The following NTNG1 variants were observed in gnomAD, a reference collection of about 807,000 sequenced individuals.
The protein encoded by NTNG1 is netrin G1.
NTNG1 carries 16 observed loss-of-function variants against 54.0 expected under a neutral mutation model. That is an observed-to-expected ratio of 0.30 (90% CI 0.20 to 0.45). The LOEUF (loss-of-function observed/expected upper bound fraction) is 0.45, where lower values mean the gene tolerates loss of function less well. Ranked by LOEUF, NTNG1 falls within the 20% of genes least tolerant of loss-of-function variation. NTNG1 has a pLI of 1.00. For synonymous variants in NTNG1, 255 were observed against 263.1 expected, an observed-to-expected ratio of 0.97 and a Z score of 0.30; for missense variants, 530 against 678.7, an observed-to-expected ratio of 0.78 and a Z score of 2.43.
At chr1:107,333,582 A>T (rs1668403865) in intron 3 of NTNG1, among the ~76,000 whole-genome samples, 1 of 151,930 alleles carries the variant, frequency 6.6e-6, no homozygotes, top group African/African-American at 2.4e-5. Flanking sequence ...AGAACTCTTT[A>T]AGCTCCAACA....
At chr1:107,249,159 C>CAATAAGAAT (rs1662403037) in intron 2 of NTNG1, among the ~76,000 whole-genome samples, 1 of 143,752 alleles carries the variant, frequency 7.0e-6, no homozygotes. Flanking sequence ...GACTCTATCT[C>CAATAAGAAT]AATAATAATA....
At chr1:107,201,925 G>T (rs1004440968) in intron 2 of NTNG1, among the ~76,000 whole-genome samples, 7 of 151,778 alleles carry the variant, frequency 4.6e-5, no homozygotes, top group Admixed American at 1.3e-4. Flanking sequence ...ATTTGTAAGA[G>T]AATTAATTCC....
rs984919033 is a variant in NTNG1 at position 107,333,659 on chromosome 1, T to TTG, written c.887+8753_887+8754dup. ...ATCGTGTGTGTGTGCATGTGTGTGT[T>TTG]TGTGTGTGTGTGTGTGTTTAAACTA... On this transcript the variant is annotated intron_variant, in intron 3 of 7. Transcript: ENST00000370068. 1.5e-3 allele frequency among the ~76,000 whole-genome samples: 220 copies of TTG among 150,602 alleles called. 2 individuals carry two copies. The highest frequency in any genetic ancestry group is 4.4e-3 in the African/African-American group (180 of 41,112).
intron 3 of NTNG1, among the ~76,000 whole-genome samples, chr1:107,375,831 C>G (rs1437950165): frequency 5.9e-5 from 9 of 152,206 alleles, no homozygotes; most frequent in Admixed American, 5.9e-4. Flanking sequence ...TCATAGTCTT[C>G]TTGGTATTCA....
chr1:107,452,883 A>G (rs1003528536), intron 7 of NTNG1, among the ~76,000 whole-genome samples: 1 of 152,178 alleles, frequency 6.6e-6, no homozygotes, highest in African/African-American at 2.4e-5. Context: ...ACTAAAACAA[A>G]TGGGGAGTAG....
intron 7 of NTNG1, among the ~76,000 whole-genome samples, chr1:107,460,932 C>T (rs985800651): frequency 6.6e-6 from 1 of 152,168 alleles, no homozygotes; most frequent in African/African-American, 2.4e-5. Flanking sequence ...AGAAGAATTT[C>T]TCTAATCCTA....
At chr1:107,409,434 C>T (rs1673655843) in intron 5 of NTNG1, 2 of 152,162 alleles carry the variant, frequency 1.3e-5, no homozygotes, top group Non-Finnish European at 2.9e-5. Context: ...CTGTACTGCT[C>T]ACTCGACATC....
intron 2 of NTNG1, among the ~76,000 whole-genome samples, chr1:107,299,023 A>G (rs192560342): frequency 4.6e-4 from 70 of 152,298 alleles, no homozygotes; most frequent in Non-Finnish European, 2.9e-5. Flanking sequence ...TTATGGGTAC[A>G]TTATGCTATT....
chr1:107,337,772 T>G (rs1316337593), intron 3 of NTNG1, among the ~76,000 whole-genome samples: 1 of 152,010 alleles, frequency 6.6e-6, no homozygotes, highest in Non-Finnish European at 1.5e-5. Context: ...ATGTTATTCT[T>G]GGTTTTGAGA....
intron 3 of NTNG1, among the ~76,000 whole-genome samples, chr1:107,366,824 A>T (rs1670618535): frequency 6.6e-6 from 1 of 152,206 alleles, no homozygotes; most frequent in African/African-American, 2.4e-5. Context: ...CCATTTCAAG[A>T]TGTTTCAGTT....
chr1:107,358,067 A>G (rs537817815), intron 3 of NTNG1, among the ~76,000 whole-genome samples: 1 of 152,332 alleles, frequency 6.6e-6, no homozygotes, highest in Admixed American at 6.5e-5. Context: ...TATCAAATTA[A>G]AAATGAGCTT....
intron 2 of NTNG1, among the ~76,000 whole-genome samples, chr1:107,257,150 G>A (rs4418635): frequency 0.036 from 5,504 of 152,214 alleles, 319 homozygotes; most frequent in African/African-American, 0.12. Flanking sequence ...CTATTTATAT[G>A]ATATTAACTA....
intron 6 of NTNG1, among the ~76,000 whole-genome samples, chr1:107,435,882 T>C (rs1675564689): frequency 6.6e-6 from 1 of 152,170 alleles, no homozygotes; most frequent in Middle Eastern, 3.2e-3. Flanking sequence ...TGGTTCAAGC[T>C]TTAAGCAAAA....
At chr1:107,188,096 C>T (rs1657601886) in intron 2 of NTNG1, among the ~76,000 whole-genome samples, 1 of 151,958 alleles carries the variant, frequency 6.6e-6, no homozygotes, top group Non-Finnish European at 1.5e-5. Context: ...CTCAGCGTTG[C>T]TGATTACATC....
intron 3 of NTNG1, among the ~76,000 whole-genome samples, chr1:107,350,196 A>G (rs1465027285): frequency 6.6e-6 from 1 of 152,116 alleles, no homozygotes; most frequent in Admixed American, 6.5e-5. Flanking sequence ...ATATTGGGAA[A>G]TATCTTTCCC....
chr1:107,140,985 C>G (rs1653617537), upstream of NTNG1: 2 of 152,574 alleles, frequency 1.3e-5, no homozygotes, highest in African/African-American at 4.8e-5. Flanking sequence ...CTCTTCCTCT[C>G]CGCCCACCCT....
At chr1:107,210,020 T>C (rs1659498440) in intron 2 of NTNG1, among the ~76,000 whole-genome samples, 1 of 151,688 alleles carries the variant, frequency 6.6e-6, no homozygotes. Flanking sequence ...GATGCCAGAG[T>C]TGAGTGCTGA....
chr1:107,212,128 G>A (rs1162772628), intron 2 of NTNG1, among the ~76,000 whole-genome samples: 1 of 152,100 alleles, frequency 6.6e-6, no homozygotes, highest in Non-Finnish European at 1.5e-5. Context: ...GAACTAGAAG[G>A]TGTAGGGGAG....
At chr1:107,153,550 A>G (rs1459289316) in intron 2 of NTNG1, among the ~76,000 whole-genome samples, 1 of 152,320 alleles carries the variant, frequency 6.6e-6, no homozygotes, top group Admixed American at 6.5e-5. Flanking sequence ...CTTCATTGTT[A>G]TTAGTTCATT....
Sources: allele counts gnomAD v4.1 joint callset (sites outside exome capture counted in the v4.1 genomes callset), GRCh38; gene constraint gnomAD v4.1.1; transcripts MANE v1.5; gene names NCBI Gene and HGNC (gene_info 2026-07-23, HGNC 2026-07-21).